The following MARCHF1 variants were observed in gnomAD, a reference collection of about 807,000 sequenced individuals.
MARCHF1 encodes the protein membrane associated ring-CH-type finger 1, also known as E3 ubiquitin-protein ligase MARCHF1.
A neutral mutation model predicts 54.2 loss-of-function variants in MARCHF1; 40 were observed. The observed-to-expected ratio is 0.74, with a 90% CI of 0.57 to 0.96. The LOEUF (loss-of-function observed/expected upper bound fraction) is 0.96. Ranked by LOEUF, MARCHF1 falls within the 40% of genes least tolerant of loss-of-function variation. The probability of loss-of-function intolerance (pLI) is 0.00; values close to 1 mark genes in which losing one functional copy is unlikely to be tolerated. For missense variants in MARCHF1, 586 were observed against 656.5 expected (o/e 0.89, Z 1.17); for synonymous variants, 236 against 236.3 (o/e 1.00, Z 0.01).
intron 1 of MARCHF1, among the ~76,000 whole-genome samples, chr4:164,308,831 G>T (rs1423345000): frequency 6.6e-6 from 1 of 151,720 alleles, no homozygotes; most frequent in Admixed American, 6.6e-5. Context: ...AGGGAGAAAA[G>T]CAGAAAAAAA....
chr4:163,766,666 A>G (rs1746986221), intron 4 of MARCHF1, among the ~76,000 whole-genome samples: 1 of 152,294 alleles, frequency 6.6e-6, no homozygotes, highest in Non-Finnish European at 1.5e-5. Flanking sequence ...TAACCCTTCA[A>G]TCAATCACAG....
intron 3 of MARCHF1, among the ~76,000 whole-genome samples, chr4:163,938,599 T>G (rs1321090377): frequency 1.3e-5 from 2 of 152,130 alleles, no homozygotes; most frequent in African/African-American, 4.8e-5. Flanking sequence ...AAAGATCCAC[T>G]TATTCCTTTA....
At chr4:163,984,960 T>C (rs1167807353) in intron 3 of MARCHF1, among the ~76,000 whole-genome samples, 1 of 152,138 alleles carries the variant, frequency 6.6e-6, no homozygotes. Flanking sequence ...TTCCCGAGAA[T>C]GTGGTTTTCC....
chr4:163,975,129 C>T (rs559690965), intron 3 of MARCHF1, among the ~76,000 whole-genome samples: 4 of 151,542 alleles, frequency 2.6e-5, no homozygotes, highest in Admixed American at 2.6e-4. Context: ...ACTTCTCAGC[C>T]TCCATAATTA....
chr4:163,637,400 G>T (rs1742376492), intron 5 of MARCHF1, among the ~76,000 whole-genome samples: 1 of 151,602 alleles, frequency 6.6e-6, no homozygotes. Context: ...AAATTTACAA[G>T]AAAAAAACAA....
At chr4:163,707,335 C>G (rs1040241676) in intron 4 of MARCHF1, among the ~76,000 whole-genome samples, 5 of 151,898 alleles carry the variant, frequency 3.3e-5, no homozygotes, top group African/African-American at 1.2e-4. Flanking sequence ...CTAGAATATG[C>G]AAACTGCTTT....
intron 3 of MARCHF1, among the ~76,000 whole-genome samples, chr4:163,988,079 G>A (rs1752903923): frequency 6.6e-6 from 1 of 152,146 alleles, no homozygotes; most frequent in Non-Finnish European, 1.5e-5. Flanking sequence ...CCTTTGTTAA[G>A]ACAGTTATAT....
chr4:163,717,265 C>T (rs949579606), intron 4 of MARCHF1, among the ~76,000 whole-genome samples: 16 of 149,572 alleles, frequency 1.1e-4, no homozygotes, highest in African/African-American at 3.4e-4. Context: ...TTTGTCCTTG[C>T]GATAGTTTGC....
chr4:164,159,667 T>C (rs765108124), intron 1 of MARCHF1, among the ~76,000 whole-genome samples: 7 of 152,160 alleles, frequency 4.6e-5, no homozygotes, highest in Non-Finnish European at 1.0e-4. Flanking sequence ...TGTAAATTTG[T>C]GCAGAAACGT....
chr4:164,167,501 G>A (rs1037622092), intron 1 of MARCHF1, among the ~76,000 whole-genome samples: 22 of 151,592 alleles, frequency 1.5e-4, no homozygotes, highest in African/African-American at 4.8e-4. Context: ...AAGCAAAGTT[G>A]GAGACATCAA....
At chr4:163,737,214 A>ATTTTTT (rs200485998) in intron 4 of MARCHF1, among the ~76,000 whole-genome samples, 1 of 43,590 alleles carries the variant, frequency 2.3e-5, no homozygotes, top group Non-Finnish European at 5.3e-5. Flanking sequence ...ATTTTTTTTA[A>ATTTTTT]TTTTTTTTTT....
intron 3 of MARCHF1, among the ~76,000 whole-genome samples, chr4:163,929,928 ATATAT>A (rs1489207737): frequency 1.5e-4 from 12 of 77,470 alleles, no homozygotes; most frequent in Non-Finnish European, 2.8e-4. Context: ...AATATATATA[ATATAT>A]TATATATTTA....
At chr4:163,580,814 GA>G (rs1560954549) in intron 8 of MARCHF1, among the ~76,000 whole-genome samples, 3 of 27,860 alleles carry the variant, frequency 1.1e-4, no homozygotes, top group Non-Finnish European at 1.6e-4. Flanking sequence ...TTTTTTTTTT[GA>G]GACGGAGTCT....
intron 3 of MARCHF1, among the ~76,000 whole-genome samples, chr4:163,937,701 C>A (rs548488439): frequency 1.3e-5 from 2 of 152,204 alleles, no homozygotes; most frequent in African/African-American, 4.8e-5. Context: ...AGTGCAATAA[C>A]TTGCCCGTTG....
chr4:163,647,941 G>T (rs1742821609), intron 5 of MARCHF1, among the ~76,000 whole-genome samples: 1 of 151,312 alleles, frequency 6.6e-6, no homozygotes, highest in South Asian at 2.1e-4. Context: ...GAAAAAAATA[G>T]AAAAGATAAT....
At position 164,362,922 on chromosome 4, in the gene MARCHF1, T is replaced by C. The variant is rs375279360; in HGVS notation, c.-323+20948A>G. Reference sequence around the variant, plus strand: ...AAAACTGTTTCTCTGCAATATATAATTGTTAAGATCATTTCTCACAATGTC... The same window carrying C: ...AAAACTGTTTCTCTGCAATATATAACTGTTAAGATCATTTCTCACAATGTC... On this transcript the variant is annotated intron_variant, in intron 1 of 9. Transcript: ENST00000514618. 1.3e-3 allele frequency among the ~76,000 whole-genome samples: 203 copies of C among 152,250 alleles called. 2 individuals are homozygous for C. The highest frequency in any genetic ancestry group is 4.6e-3 in the African/African-American group (193 of 41,576).
chr4:164,141,945 C>T (rs946803650), intron 1 of MARCHF1, among the ~76,000 whole-genome samples: 7 of 152,012 alleles, frequency 4.6e-5, no homozygotes, highest in Admixed American at 6.6e-5. Context: ...AGACAGTGGG[C>T]GCAGGTCAGT....
At chr4:163,743,859 T>A (rs897205852) in intron 4 of MARCHF1, among the ~76,000 whole-genome samples, 7 of 152,192 alleles carry the variant, frequency 4.6e-5, no homozygotes, top group Non-Finnish European at 1.0e-4. Flanking sequence ...TCTTAGATTT[T>A]AAAAAATAAA....
At chr4:164,258,800 T>TTATTC (rs1312798133) in intron 1 of MARCHF1, among the ~76,000 whole-genome samples, 2 of 152,180 alleles carry the variant, frequency 1.3e-5, no homozygotes, top group African/African-American at 4.8e-5. Context: ...TCTGGTTTGA[T>TTATTC]TATTCTGAGG....
Sources: allele counts gnomAD v4.1 joint callset (sites outside exome capture counted in the v4.1 genomes callset), GRCh38; gene constraint gnomAD v4.1.1; transcripts MANE v1.5; gene names NCBI Gene and HGNC (gene_info 2026-07-23, HGNC 2026-07-21).